Variants in TLN2 observed in about 807,000 individuals in gnomAD.
TLN2 encodes the protein talin-2.
In TLN2, 118 loss-of-function variants were observed where a neutral mutation model predicts 294.7. The observed-to-expected ratio is 0.40, with a 90% CI of 0.34 to 0.47. TLN2 has a LOEUF of 0.47. Among genes scored for constraint, TLN2 ranks in the 20% least tolerant of loss-of-function variants. The probability of loss-of-function intolerance (pLI) is 0.84; values close to 1 mark genes in which losing one functional copy is unlikely to be tolerated. For missense variants in TLN2, 3,083 were observed against 3,282.2 expected, an observed-to-expected ratio of 0.94 and a Z score of 1.48; for synonymous variants, 1,431 against 1,304.5, an observed-to-expected ratio of 1.10 and a Z score of -2.09.
At position 62,736,923 on chromosome 15, in the gene TLN2, A is replaced by G. The variant is rs764221088; in HGVS notation, c.3404A>G (p.Gln1135Arg). ...ETAQALKTLA[Q>R]AARGVAASTT... ...GCCCAAGCTCTGAAAACACTGGCCC[A>G]GGCCGCCCGTGGAGTGGCTGCATCG... Residue 1135 changes from glutamine (Q) to arginine (R), a missense_variant, in exon 29 of 59, where the codon CAG becomes CGG. Gln to Arg is a conservative substitution (Grantham distance 43). Coordinates refer to ENST00000636159, the MANE Select transcript of TLN2 (RefSeq NM_015059.3). The G allele has an allele frequency of 1.2e-6, 2 of 1,614,200 alleles. No individual in the cohort carries two copies. Among genetic ancestry groups the G allele is most frequent in the South Asian group, 2.2e-5 (2 of 91,086 alleles).
intron 1 of TLN2, among the ~76,000 whole-genome samples, chr15:62,525,664 C>T (rs566904804): frequency 3.3e-5 from 5 of 152,338 alleles, no homozygotes; most frequent in African/African-American, 1.2e-4. Flanking sequence ...CCTTTTATTA[C>T]TCCTTCAGTA....
At chr15:62,401,900 G>A (rs954705673) in intron 1 of TLN2, among the ~76,000 whole-genome samples, 1 of 152,148 alleles carries the variant, frequency 6.6e-6, no homozygotes, top group African/African-American at 2.4e-5. Context: ...AATGTCTAGA[G>A]ACTTCTTTTG....
chr15:62,708,819 G>C (rs762289882), intron 21 of TLN2, 23 bp downstream of exon 21: 11 of 1,579,824 alleles, frequency 7.0e-6, no homozygotes, highest in Non-Finnish European at 8.6e-6. Flanking sequence ...GCTGTGGGTG[G>C]GTGGATGGGT....
At chr15:62,499,908 G>C (rs1205701658) in intron 1 of TLN2, among the ~76,000 whole-genome samples, 2 of 151,904 alleles carry the variant, frequency 1.3e-5, no homozygotes, top group Non-Finnish European at 2.9e-5. Context: ...TGGCTGCAAA[G>C]TTTCAAAGTT....
At position 62,781,177 on chromosome 15, in the gene TLN2, T is replaced by C. The variant is rs2064135599; in HGVS notation, c.5552T>C (p.Phe1851Ser). The C allele has an allele frequency of 1.2e-6, 2 of 1,614,192 alleles. No individual in the cohort carries two copies. The highest frequency in any genetic ancestry group is 1.7e-6 in the Non-Finnish European group (2 of 1,180,022). ...ACTCCTCCAGAACCAAAGGGAACAT[T>C]TGTCGACTATCAGACGACTGTGGTT... ...EGTPPEPKGT[F>S]VDYQTTVVKY... The change falls in exon 44 of 59, where the codon TTT becomes TCT. Residue 1851 changes from phenylalanine (F) to serine (S), a missense_variant. Phe to Ser is a radical substitution (Grantham distance 155). Coordinates refer to ENST00000636159, the MANE Select transcript of TLN2 (RefSeq NM_015059.3).
intron 5 of TLN2, among the ~76,000 whole-genome samples, chr15:62,650,871 G>T (rs1343005744): frequency 6.6e-6 from 1 of 152,064 alleles, no homozygotes; most frequent in African/African-American, 2.4e-5. Flanking sequence ...AGGAAGTGTA[G>T]TAAACAAGTT....
chr15:62,410,345 A>G (rs1377327311), intron 1 of TLN2, among the ~76,000 whole-genome samples: 1 of 152,196 alleles, frequency 6.6e-6, no homozygotes, highest in Non-Finnish European at 1.5e-5. Context: ...AAAGTTAGAG[A>G]TAAATAAAGT....
At chr15:62,499,822 C>T (rs1182217937) in intron 1 of TLN2, among the ~76,000 whole-genome samples, 3 of 151,926 alleles carry the variant, frequency 2.0e-5, no homozygotes, top group Non-Finnish European at 2.9e-5. Context: ...AGGCTAGTCT[C>T]GAACTCCCGA....
intron 28 of TLN2, among the ~76,000 whole-genome samples, chr15:62,732,807 T>A (rs937589513): frequency 6.6e-6 from 1 of 152,174 alleles, no homozygotes; most frequent in Non-Finnish European, 1.5e-5. Context: ...TTTGGCCTTA[T>A]AGCTGAGTGA....
chr15:62,674,592 G>A (rs11852602), intron 10 of TLN2, among the ~76,000 whole-genome samples: 16 of 139,658 alleles, frequency 1.1e-4, no homozygotes, highest in South Asian at 2.2e-4. Flanking sequence ...ACCTCCCCCC[G>A]CCCTGTTCAA....
At chr15:62,519,295 C>A (rs1002565181) in intron 1 of TLN2, among the ~76,000 whole-genome samples, 9 of 152,144 alleles carry the variant, frequency 5.9e-5, no homozygotes, top group African/African-American at 2.2e-4. Flanking sequence ...TAGTTAAGTA[C>A]CTCTCACTTA....
intron 1 of TLN2, among the ~76,000 whole-genome samples, chr15:62,427,692 G>A (rs1306387573): frequency 6.6e-6 from 1 of 152,002 alleles, no homozygotes; most frequent in Non-Finnish European, 1.5e-5. Context: ...TGGTAACCCT[G>A]CCATGTCTCT....
chr15:62,802,870 G>A (rs2066029011), intron 50 of TLN2, among the ~76,000 whole-genome samples: 1 of 152,158 alleles, frequency 6.6e-6, no homozygotes, highest in African/African-American at 2.4e-5. Flanking sequence ...CCGTTTGTAT[G>A]TCTTCTTTTG....
intron 9 of TLN2, among the ~76,000 whole-genome samples, chr15:62,663,086 A>G (rs1165228991): frequency 1.3e-5 from 2 of 152,098 alleles, no homozygotes; most frequent in African/African-American, 4.8e-5. Context: ...AAGTGCTGGG[A>G]TTACAGGCTT....
intron 1 of TLN2, among the ~76,000 whole-genome samples, chr15:62,478,043 CTAACAGCATTCTCGGAG>C (rs1001271016): frequency 3.9e-5 from 6 of 152,206 alleles, no homozygotes; most frequent in Non-Finnish European, 8.8e-5. Context: ...GTTAACAGCT[CTAACAGCATTCTCGGAG>C]TACTTCCAGT....
At chr15:62,769,489 G>A (rs371909263) in intron 41 of TLN2, among the ~76,000 whole-genome samples, 1 of 152,206 alleles carries the variant, frequency 6.6e-6, no homozygotes. Flanking sequence ...CCTAAGGGCC[G>A]GGAACAGCCC....
At chr15:62,809,828 G>C in intron 51 of TLN2, 97 bp from the exon 52 acceptor site, 1 of 1,162,010 alleles carries the variant, frequency 8.6e-7, no homozygotes, top group East Asian at 2.5e-5. Context: ...GCAGTTTCTT[G>C]AGGTCACCAG....
At chr15:62,397,816 A>G (rs1320351095) in intron 1 of TLN2, among the ~76,000 whole-genome samples, 1 of 152,130 alleles carries the variant, frequency 6.6e-6, no homozygotes, top group African/African-American at 2.4e-5. Flanking sequence ...TTTCCAGAAG[A>G]GTCTTATCCT....
intron 9 of TLN2, among the ~76,000 whole-genome samples, chr15:62,661,560 C>G (rs6494339): frequency 0.84 from 127,817 of 152,066 alleles, 56,321 homozygotes; most frequent in Non-Finnish European, 0.97. Flanking sequence ...GTGAAAAGAA[C>G]GTATGGAATA....
Sources: gnomAD v4.1 joint callset for allele counts (sites outside exome capture counted in the v4.1 genomes callset) on GRCh38, gnomAD v4.1.1 for gene constraint, MANE v1.5 for transcripts, NCBI Gene and HGNC (gene_info 2026-07-23, HGNC 2026-07-21) for gene names.